Variants in LRFN5 observed in about 807,000 individuals in gnomAD.
LRFN5 encodes the protein leucine rich repeat and fibronectin type III domain containing 5.
LRFN5 carries 24 observed loss-of-function variants against 45.6 expected under a neutral mutation model. The ratio of observed to expected loss-of-function variants is 0.53; its 90% CI spans 0.38 to 0.74. The LOEUF is 0.74. Ranked by LOEUF, LRFN5 falls within the 30% of genes least tolerant of loss-of-function variation. The pLI is 0.00. For missense variants in LRFN5, 776 were observed against 861.5 expected (o/e 0.90, Z 1.24); for synonymous variants, 340 against 313.8 (o/e 1.08, Z -0.88).
chr14:41,641,319 C>T (rs933446111), intron 1 of LRFN5, among the ~76,000 whole-genome samples: 5 of 152,006 alleles, frequency 3.3e-5, no homozygotes, highest in South Asian at 2.1e-4. Context: ...TGGTGGATTT[C>T]GTAAAATGGA....
intron 2 of LRFN5, among the ~76,000 whole-genome samples, chr14:41,841,549 A>G (rs986130300): frequency 6.6e-6 from 1 of 151,898 alleles, no homozygotes; most frequent in Non-Finnish European, 1.5e-5. Flanking sequence ...TCAGTAATTT[A>G]TTATTTTTAT....
At chr14:41,832,128 G>A (rs1888505568) in intron 2 of LRFN5, among the ~76,000 whole-genome samples, 1 of 152,156 alleles carries the variant, frequency 6.6e-6, no homozygotes, top group South Asian at 2.1e-4. Flanking sequence ...GAATTTTGTG[G>A]GGAGGCACAA....
chr14:41,833,601 G>T (rs1036380353), intron 2 of LRFN5, among the ~76,000 whole-genome samples: 4 of 152,168 alleles, frequency 2.6e-5, no homozygotes, highest in Non-Finnish European at 4.4e-5. Context: ...ACTTTTATGT[G>T]ATGTTTTAAT....
chr14:41,833,263 G>C (rs1318270742), intron 2 of LRFN5, among the ~76,000 whole-genome samples: 3 of 152,134 alleles, frequency 2.0e-5, no homozygotes, highest in African/African-American at 7.2e-5. Flanking sequence ...CGATCCGCAG[G>C]AAAAGTCAGC....
chr14:41,711,600 G>A (rs556594273), intron 1 of LRFN5, among the ~76,000 whole-genome samples: 24 of 152,304 alleles, frequency 1.6e-4, no homozygotes, highest in Admixed American at 1.6e-3. Flanking sequence ...ATCTTAAGCT[G>A]TAAATTACTT....
intron 2 of LRFN5, among the ~76,000 whole-genome samples, chr14:41,809,183 A>G (rs1465550575): frequency 6.6e-6 from 1 of 152,090 alleles, no homozygotes; most frequent in Non-Finnish European, 1.5e-5. Context: ...TAATTCAACT[A>G]GGTAATGCCC....
At position 41,891,532 on chromosome 14, in the gene LRFN5, C is replaced by A; in HGVS notation, c.1668C>A (p.Asn556Lys). 6.2e-7 allele frequency: 1 copy of A among 1,614,094 alleles called. No homozygotes were observed. Reference protein sequence around the residue: ...IILMIRYKVCNNNGQHKVTKV... With the variant: ...IILMIRYKVCKNNGQHKVTKV... ...TGATGATCCGGTATAAGGTTTGCAACAATAATGGGCAACACAAGGTCACCA... is the reference window on the plus strand; with the variant it reads ...TGATGATCCGGTATAAGGTTTGCAAAAATAATGGGCAACACAAGGTCACCA... Residue 556 changes from asparagine to lysine, a missense_variant, in exon 4 of 6, where the codon AAC becomes AAA. This residue lies in a region of LRFN5 where 465 missense variants were observed against 456.4 expected (regional missense o/e 1.02). Transcript: ENST00000298119.
chr14:41,719,377 TGAC>T (rs1400438132), intron 1 of LRFN5, among the ~76,000 whole-genome samples: 1 of 152,152 alleles, frequency 6.6e-6, no homozygotes, highest in African/African-American at 2.4e-5. Flanking sequence ...ATAAAAATGA[TGAC>T]TACTGCATCC....
chr14:41,661,178 A>G (rs1880635265), intron 1 of LRFN5, among the ~76,000 whole-genome samples: 1 of 151,786 alleles, frequency 6.6e-6, no homozygotes, highest in South Asian at 2.1e-4. Context: ...CCTTCTTCCT[A>G]ATTGAAACTA....
At chr14:41,782,174 T>G (rs1886552334) in intron 2 of LRFN5, among the ~76,000 whole-genome samples, 1 of 151,944 alleles carries the variant, frequency 6.6e-6, no homozygotes, top group South Asian at 2.1e-4. Flanking sequence ...GTTTAACCTT[T>G]TGAAATTGTT....
At chr14:41,776,234 G>T (rs569209396) in intron 2 of LRFN5, among the ~76,000 whole-genome samples, 1 of 152,300 alleles carries the variant, frequency 6.6e-6, no homozygotes, top group South Asian at 2.1e-4. Context: ...ACACATAAAT[G>T]ACTTCCTGTT....
intron 2 of LRFN5, among the ~76,000 whole-genome samples, chr14:41,779,498 T>C (rs1045635260): frequency 1.3e-5 from 2 of 152,036 alleles, no homozygotes; most frequent in Middle Eastern, 3.4e-3. Flanking sequence ...TAGAATGAGT[T>C]AAGAAGCATA....
At chr14:41,898,652 A>G (rs1004422784) in intron 4 of LRFN5, among the ~76,000 whole-genome samples, 1 of 152,054 alleles carries the variant, frequency 6.6e-6, no homozygotes, top group East Asian at 1.9e-4. Context: ...CATATTGAAA[A>G]TCACTCATTT....
At chr14:41,753,636 A>T (rs1183649992) in intron 1 of LRFN5, among the ~76,000 whole-genome samples, 2 of 152,182 alleles carry the variant, frequency 1.3e-5, no homozygotes, top group Non-Finnish European at 2.9e-5. Flanking sequence ...GAATTTGCTG[A>T]AGTTGCCTTT....
intron 2 of LRFN5, among the ~76,000 whole-genome samples, chr14:41,850,802 C>G (rs916614990): frequency 2.0e-5 from 3 of 151,362 alleles, no homozygotes; most frequent in Non-Finnish European, 4.4e-5. Flanking sequence ...CACAGCACCC[C>G]CTCCATGCTA....
At chr14:41,762,977 A>T (rs993849216) in intron 1 of LRFN5, among the ~76,000 whole-genome samples, 13 of 152,196 alleles carry the variant, frequency 8.5e-5, no homozygotes, top group Non-Finnish European at 1.6e-4. Context: ...TGGTAATGAT[A>T]CCATTTGATG....
At chr14:41,648,631 C>T (rs192823534) in intron 1 of LRFN5, among the ~76,000 whole-genome samples, 78 of 152,064 alleles carry the variant, frequency 5.1e-4, no homozygotes, top group Non-Finnish European at 4.3e-4. Context: ...TTTAATAAAA[C>T]AAATAAATGG....
intron 1 of LRFN5, among the ~76,000 whole-genome samples, chr14:41,674,633 C>CG (rs1350750551): frequency 6.7e-6 from 1 of 148,536 alleles, no homozygotes; most frequent in Non-Finnish European, 1.5e-5. Context: ...CTGGACGGGG[C>CG]GGTTGGCCAG....
At chr14:41,890,628 AC>A (rs1385334322) in intron 3 of LRFN5, among the ~76,000 whole-genome samples, 63 of 150,706 alleles carry the variant, frequency 4.2e-4, no homozygotes, top group African/African-American at 1.5e-3. Flanking sequence ...AATGGCGTGA[AC>A]CCGGGAGGCG....
Sources: allele counts gnomAD v4.1 joint callset (sites outside exome capture counted in the v4.1 genomes callset), GRCh38; gene constraint gnomAD v4.1.1; regional missense constraint gnomAD v4.1.1; transcripts MANE v1.5; gene names NCBI Gene and HGNC (gene_info 2026-07-23, HGNC 2026-07-21).